MAPK4: variants seen among roughly 807,000 people sequenced by gnomAD.
MAPK4 encodes the protein Erk3-related.
In MAPK4, 22 loss-of-function variants were observed where a neutral mutation model predicts 47.7. The ratio of observed to expected loss-of-function variants is 0.46; its 90% confidence interval spans 0.33 to 0.66. The LOEUF (loss-of-function observed/expected upper bound fraction) is 0.66. Ranked by LOEUF, MAPK4 falls within the 30% of genes least tolerant of loss-of-function variation. MAPK4 has a pLI of 0.02. For synonymous variants in MAPK4, 390 were observed against 365.7 expected (o/e 1.07, Z -0.76); for missense variants, 736 against 831.7 (o/e 0.88, Z 1.42).
chr18:50,583,456 G>A (rs1362625041), intron 1 of MAPK4, among the ~76,000 whole-genome samples: 2 of 152,202 alleles, frequency 1.3e-5, no homozygotes, highest in African/African-American at 2.4e-5. Context: ...AGGCATGGTG[G>A]TGTGCACCTG....
rs563880106 is a variant in MAPK4 at position 50,649,715 on chromosome 18, C to T, written c.-870-13374C>T. ...AAGTACTCTTCCTCCCAAAGGGTAG[C>T]TTGGAAGTAGGACTCTATATAAGCC... On this transcript the variant is annotated intron_variant, in intron 1 of 5. Coordinates refer to ENST00000400384, the MANE Select transcript of MAPK4 (RefSeq NM_002747.4). Among the ~76,000 whole-genome samples, 759 of 152,336 alleles carry T rather than the reference C, an allele frequency of 5.0e-3. 7 individuals carry two copies. Among genetic ancestry groups the T allele is most frequent in the African/African-American group, 0.017 (727 of 41,586 alleles).
rs555368343 is a variant in MAPK4 at position 50,680,375 on chromosome 18, A to C, written c.546+15871A>C. ...CCAGAGTACTGGGATTACAGGTGTG[A>C]GCCACCGCGCCTGGCCTAAACTCTT... On this transcript the variant is annotated intron_variant, in intron 2 of 5. Transcript: ENST00000400384. Among the ~76,000 whole-genome samples, 123 of 152,164 alleles carry C rather than the reference A, an allele frequency of 8.1e-4. 1 individual carries two copies. In the Middle Eastern group the frequency reaches 0.01, roughly 13 times the overall value.
intron 1 of MAPK4, among the ~76,000 whole-genome samples, chr18:50,574,793 G>A (rs771160798): frequency 7.2e-5 from 11 of 152,144 alleles, no homozygotes; most frequent in Non-Finnish European, 1.2e-4. Context: ...AAAGGAATTC[G>A]CAGTAGGAAT....
At chr18:50,594,370 C>T (rs1359138961) in intron 1 of MAPK4, among the ~76,000 whole-genome samples, 1 of 151,912 alleles carries the variant, frequency 6.6e-6, no homozygotes, top group South Asian at 2.1e-4. Flanking sequence ...TAATATTAAC[C>T]ATCACAGCTG....
intron 1 of MAPK4, among the ~76,000 whole-genome samples, chr18:50,654,461 A>G (rs1016656107): frequency 1.3e-5 from 2 of 152,216 alleles, no homozygotes; most frequent in African/African-American, 2.4e-5. Context: ...GCCCAAACAA[A>G]GCAAGCCCCA....
intron 1 of MAPK4, among the ~76,000 whole-genome samples, chr18:50,634,142 G>A (rs757507179): frequency 3.1e-4 from 47 of 152,122 alleles, no homozygotes; most frequent in Non-Finnish European, 5.9e-4. Context: ...AATGAAAACC[G>A]GTGCCTCCCT....
At chr18:50,649,739 C>G (rs10445491) in intron 1 of MAPK4, among the ~76,000 whole-genome samples, 125,869 of 152,192 alleles carry the variant, frequency 0.83, 52,642 homozygotes, top group East Asian at 0.96. Context: ...TCTATATAAG[C>G]CTGCGGGGTG....
At chr18:50,579,984 G>T (rs1405447738) in intron 1 of MAPK4, among the ~76,000 whole-genome samples, 1 of 152,204 alleles carries the variant, frequency 6.6e-6, no homozygotes, top group Non-Finnish European at 1.5e-5. Flanking sequence ...ATGAAAATTT[G>T]ATTTGTGGTT....
chr18:50,603,981 T>C (rs1320152030), intron 1 of MAPK4, among the ~76,000 whole-genome samples: 4 of 152,152 alleles, frequency 2.6e-5, no homozygotes, highest in African/African-American at 4.8e-5. Context: ...GCTTCCTTAC[T>C]TAACAGAGGA....
At chr18:50,622,458 C>T (rs1438481135) in intron 1 of MAPK4, among the ~76,000 whole-genome samples, 1 of 152,176 alleles carries the variant, frequency 6.6e-6, no homozygotes, top group African/African-American at 2.4e-5. Flanking sequence ...CTGCGGGCTG[C>T]CCTGGACAGG....
rs1334535976 is a variant in MAPK4 at position 50,574,809 on chromosome 18, AGAT to A, written c.-871+14570_-871+14572del. Among the ~76,000 whole-genome samples, 3 of 152,248 alleles carry A rather than the reference AGAT, an allele frequency of 2.0e-5. No homozygotes were observed. In the East Asian group the frequency reaches 5.8e-4, roughly 29 times the overall value. On this transcript the variant is annotated intron_variant, in intron 1 of 5. Transcript: ENST00000400384. Reference sequence around the variant, plus strand: ...AAGGAATTCGCAGTAGGAATCCTTGAGATGATAAGTATCCACACCAGGTGCATT... The same window carrying A: ...AAGGAATTCGCAGTAGGAATCCTTGAGATAAGTATCCACACCAGGTGCATT...
At chr18:50,722,708 C>T (rs1007152149) in intron 4 of MAPK4, among the ~76,000 whole-genome samples, 1 of 152,128 alleles carries the variant, frequency 6.6e-6, no homozygotes, top group Non-Finnish European at 1.5e-5. Flanking sequence ...ACACTGGGGG[C>T]ATTAATTCTG....
intron 1 of MAPK4, among the ~76,000 whole-genome samples, chr18:50,566,421 C>A (rs1373222430): frequency 2.6e-5 from 4 of 152,240 alleles, no homozygotes; most frequent in Admixed American, 1.3e-4. Flanking sequence ...GCCAAGGTCA[C>A]ACAGAGATCA....
intron 1 of MAPK4, among the ~76,000 whole-genome samples, chr18:50,590,923 A>C (rs2042431338): frequency 6.6e-6 from 1 of 152,244 alleles, no homozygotes; most frequent in Non-Finnish European, 1.5e-5. Context: ...TTGACAAGTC[A>C]ATAATATCTG....
At chr18:50,600,807 G>C (rs1030966238) in intron 1 of MAPK4, among the ~76,000 whole-genome samples, 18 of 149,558 alleles carry the variant, frequency 1.2e-4, no homozygotes, top group Admixed American at 6.0e-4. Context: ...TTTTTAAAAA[G>C]TGAAAAAAAA....
At chr18:50,707,565 G>A (rs1197383305) in intron 2 of MAPK4, among the ~76,000 whole-genome samples, 3 of 104,426 alleles carry the variant, frequency 2.9e-5, no homozygotes, top group Non-Finnish European at 5.6e-5. Flanking sequence ...GTGAGCCTCT[G>A]TCTCAAAAAA....
chr18:50,590,492 G>C (rs978627054), intron 1 of MAPK4, among the ~76,000 whole-genome samples: 3 of 152,176 alleles, frequency 2.0e-5, no homozygotes, highest in African/African-American at 7.2e-5. Context: ...ACTTGGATCA[G>C]AGCTGATCAG....
chr18:50,719,183 C>T lies in MAPK4; in HGVS notation c.692-2755C>T, dbSNP rs558293258. On this transcript the variant is annotated intron_variant, in intron 3 of 5. Transcript: ENST00000400384. ...CAAACATTTAGGCCCTGAGTACAAACGTCTTCATTTGCCCCCTGGACTCTC... is the reference window on the plus strand; with the variant it reads ...CAAACATTTAGGCCCTGAGTACAAATGTCTTCATTTGCCCCCTGGACTCTC... Among the ~76,000 whole-genome samples, 4 of 151,854 alleles carry T rather than the reference C, an allele frequency of 2.6e-5. No individual in the cohort carries two copies. The South Asian group carries it at 6.2e-4, about 24-fold the overall frequency.
intron 1 of MAPK4, among the ~76,000 whole-genome samples, chr18:50,578,350 C>T (rs2042315987): frequency 6.6e-6 from 1 of 152,210 alleles, no homozygotes; most frequent in South Asian, 2.1e-4. Flanking sequence ...ACCTGGAACA[C>T]TTGTTAAACT....
Sources: allele counts gnomAD v4.1 joint callset (sites outside exome capture counted in the v4.1 genomes callset), GRCh38; gene constraint gnomAD v4.1.1; transcripts MANE v1.5; gene names NCBI Gene and HGNC (gene_info 2026-07-23, HGNC 2026-07-21).